Variants in SLC24A5 observed in about 807,000 individuals in gnomAD.
SLC24A5 encodes sodium/potassium/calcium exchanger 5.
Under a neutral mutation model 51.6 loss-of-function variants are expected in SLC24A5, and 46 were observed. The ratio of observed to expected loss-of-function variants is 0.89; its 90% confidence interval spans 0.70 to 1.14. The LOEUF (loss-of-function observed/expected upper bound fraction) is 1.14, where lower values mean the gene tolerates loss of function less well. Ranked by LOEUF, SLC24A5 falls within the 50% of genes most tolerant of loss-of-function variation. The probability of loss-of-function intolerance (pLI) is 0.00; values close to 1 mark genes in which losing one functional copy is unlikely to be tolerated. For synonymous variants in SLC24A5, 230 were observed against 214.9 expected (o/e 1.07, Z -0.62); for missense variants, 581 against 604.1 (o/e 0.96, Z 0.40).
intron 2 of SLC24A5, among the ~76,000 whole-genome samples, chr15:48,130,002 A>T (rs970799499): frequency 6.6e-6 from 1 of 152,130 alleles, no homozygotes; most frequent in Non-Finnish European, 1.5e-5. Context: ...TTCAAAAACC[A>T]TTATAAACTT....
Position 48,121,240 on chromosome 15 carries a change from A to G in SLC24A5, c.121+75A>G, listed in dbSNP as rs1246677803. On this transcript the variant is annotated intron_variant, in intron 1 of 8. Transcript: ENST00000341459. ...TGCTACCACATACAGATGAAGGGAC[A>G]AAAAGAGGAAAATTCTCAATGGGCT... 15 of 1,463,008 alleles carry G rather than the reference A, an allele frequency of 1.0e-5. No homozygotes were observed. In the African/African-American group the frequency reaches 1.1e-4, roughly 11 times the overall value. The allele number at this position is 1,463,008 out of a possible 1,614,324, so 90.6% of individuals were successfully genotyped here. A position where few individuals can be genotyped will look rare whatever the true frequency, so the allele number is the denominator to read the frequency against.
chr15:48,133,756 C>T (rs1197057018), intron 2 of SLC24A5, among the ~76,000 whole-genome samples: 1 of 152,102 alleles, frequency 6.6e-6, no homozygotes, highest in Non-Finnish European at 1.5e-5. Flanking sequence ...GCCAAAGCCT[C>T]CCATATTCCG....
At chr15:48,138,332 A>G (rs1268909814) in intron 6 of SLC24A5, 1 of 152,042 alleles carries the variant, frequency 6.6e-6, no homozygotes, top group East Asian at 1.9e-4. Context: ...AATTAAATTG[A>G]ATAAAGAAAT....
At chr15:48,127,823 A>AAAAT (rs1348666022) in intron 2 of SLC24A5, among the ~76,000 whole-genome samples, 6 of 152,060 alleles carry the variant, frequency 3.9e-5, no homozygotes, top group African/African-American at 7.2e-5. Context: ...ACTCCATCTC[A>AAAAT]AAATAAATAA....
rs372932575 is a variant in SLC24A5, at chr15:48,142,209, T to A, written c.1361T>A (p.Leu454Ter). The A allele has an allele frequency of 4.9e-5, 79 of 1,613,752 alleles. No homozygotes were observed. Among genetic ancestry groups the A allele is most frequent in the Non-Finnish European group, 6.4e-5 (76 of 1,179,884 alleles). ...SLNISIIFLF[L>*]AVHFNGWKLD... ...AACATTTCAATTATTTTTCTTTTTT[T>A]AGCAGTTCACTTCAATGGCTGGAAA... is the stretch of plus-strand genomic sequence containing the variant. The change falls in exon 9 of 9, where the codon TTA becomes TAA. Residue 454 changes from leucine (L) to a stop codon, truncating the protein, a stop_gained. Coordinates refer to ENST00000341459, the MANE Select transcript of SLC24A5 (RefSeq NM_205850.3). LOFTEE classifies it high-confidence loss of function.
intron 2 of SLC24A5, among the ~76,000 whole-genome samples, chr15:48,131,817 AGGCAAACAGAATAGAGGGCCT>A (rs1420932849): frequency 6.6e-6 from 1 of 152,194 alleles, no homozygotes; most frequent in Non-Finnish European, 1.5e-5. Context: ...ACATGACCAA[AGGCAAACAGAATAGAGGGCCT>A]GGCCTAAATA....
Position 48,142,252 on chromosome 15 carries a change from A to G in SLC24A5, c.1404A>G (p.Gly468=), listed in dbSNP as rs771982383. 8 of 1,613,602 alleles carry G rather than the reference A, an allele frequency of 5.0e-6. No individual in the cohort carries two copies. The Admixed American group carries it at 1.3e-4, about 27-fold the overall frequency. ...FNGWKLDRKL[G]IVCLLSYLGL... Reference sequence around the variant, plus strand: ...GCTGGAAACTAGACAGAAAGTTGGGAATAGTCTGCCTATTATCATACTTGG... The same window carrying G: ...GCTGGAAACTAGACAGAAAGTTGGGGATAGTCTGCCTATTATCATACTTGG... The change falls in exon 9 of 9, where the codon GGA becomes GGG. Residue 468 remains glycine (G), a synonymous_variant. Transcript: ENST00000341459.
At chr15:48,123,101 C>T (rs1297504801) in intron 2 of SLC24A5, 1 of 151,954 alleles carries the variant, frequency 6.6e-6, no homozygotes, top group Non-Finnish European at 1.5e-5. Flanking sequence ...AATCTGTAGG[C>T]TCTAAAACAG....
chr15:48,137,157 G>A (rs1199780508), intron 6 of SLC24A5, 194 bp downstream of exon 6: 3 of 558,882 alleles, frequency 5.4e-6, no homozygotes, highest in South Asian at 3.0e-5. Flanking sequence ...AAGTATGAAC[G>A]TTAAGTACCA....
intron 8 of SLC24A5, 43 bp from the exon 9 acceptor site, chr15:48,141,986 A>ATTG: frequency 3.7e-6 from 5 of 1,341,942 alleles, no homozygotes; most frequent in Non-Finnish European, 5.1e-6. Context: ...AATAAAACAC[A>ATTG]GTATTGGTAA....
intron 6 of SLC24A5, 200 bp downstream of exon 6, chr15:48,137,163 T>A (rs897481696): frequency 1.8e-6 from 1 of 544,128 alleles, no homozygotes; most frequent in Non-Finnish European, 3.1e-6. Flanking sequence ...GAACGTTAAG[T>A]ACCATAAAAA....
intron 8 of SLC24A5, 25 bp downstream of exon 8, chr15:48,141,239 C>T (rs1658675679): frequency 6.6e-7 from 1 of 1,523,792 alleles, no homozygotes; most frequent in Non-Finnish European, 9.1e-7. Context: ...CCTCAAGCTG[C>T]AATGGTCATT....
intron 1 of SLC24A5, 89 bp from the exon 2 acceptor site, chr15:48,121,768 A>C (rs2038681469): frequency 3.0e-6 from 4 of 1,323,728 alleles, no homozygotes; most frequent in Non-Finnish European, 4.3e-6. Context: ...CGGTTACCCC[A>C]CACTTACAGA....
chr15:48,121,511 G>C (rs1032793763), intron 1 of SLC24A5, among the ~76,000 whole-genome samples: 1 of 152,086 alleles, frequency 6.6e-6, no homozygotes, highest in African/African-American at 2.4e-5. Context: ...ATGAGAAAAC[G>C]AAATTGTATA....
intron 5 of SLC24A5, 61 bp downstream of exon 5, chr15:48,135,045 G>C (rs887779501): frequency 7.4e-7 from 1 of 1,351,132 alleles, no homozygotes; most frequent in Non-Finnish European, 1.0e-6. Context: ...TGATGGTTCA[G>C]TAATTTTTTT....
At chr15:48,124,159 T>G (rs967907972) in intron 2 of SLC24A5, 13 of 152,148 alleles carry the variant, frequency 8.5e-5, no homozygotes, top group African/African-American at 3.1e-4. Context: ...TCTTTTTCTT[T>G]ATGGTTCTCC....
chr15:48,122,624 A>G (rs988811183), intron 2 of SLC24A5: 3 of 153,658 alleles, frequency 2.0e-5, no homozygotes, highest in African/African-American at 7.2e-5. Flanking sequence ...ATTAAAAATT[A>G]AGAGCTCCAT....
intron 7 of SLC24A5, chr15:48,139,465 T>C: frequency 4.3e-6 from 1 of 230,812 alleles, no homozygotes; most frequent in Non-Finnish European, 8.5e-6. Context: ...GCTAATAATT[T>C]AATCACATTC....
In SLC24A5 at chr15:48,122,013, C is replaced by T. The variant is rs749156082; in HGVS notation, c.278C>T (p.Pro93Leu). The T allele has an allele frequency of 1.2e-6, 2 of 1,614,144 alleles. No individual in the cohort carries two copies. The highest frequency in any genetic ancestry group is 1.3e-5 in the African/African-American group (1 of 75,040). The stretch of plus-strand genomic sequence containing the variant: ...ATTGTCTGTGATGAATACTTCCTAC[C>T]CTCCCTGGAAATCATCAGTGAATGT... ...ISIVCDEYFL[P>L]SLEIISESLG... Residue 93 changes from proline (P) to leucine (L), a missense_variant, in exon 2 of 9, where the codon CCC becomes CTC. Transcript: ENST00000341459.
Sources: gnomAD v4.1 joint callset for allele counts (sites outside exome capture counted in the v4.1 genomes callset) on GRCh38, gnomAD v4.1.1 for gene constraint, MANE v1.5 for transcripts, NCBI Gene and HGNC (gene_info 2026-07-23, HGNC 2026-07-21) for gene names.